PCDHA7: variants seen among roughly 807,000 people sequenced by gnomAD.
The protein encoded by PCDHA7 is protocadherin alpha 7.
A neutral mutation model predicts 57.2 loss-of-function variants in PCDHA7; 37 were observed. The ratio of observed to expected loss-of-function variants is 0.65; its 90% CI spans 0.50 to 0.85. PCDHA7 has a LOEUF of 0.85. Among genes scored for constraint, PCDHA7 ranks in the 40% least tolerant of loss-of-function variants. The pLI, the probability that PCDHA7 is intolerant of heterozygous loss-of-function variation, is 0.00. For synonymous variants in PCDHA7, 553 were observed against 558.8 expected, an observed-to-expected ratio of 0.99 and a Z score of 0.15; for missense variants, 1,188 against 1,241.8, an observed-to-expected ratio of 0.96 and a Z score of 0.65.
chr5:140,888,941 TAA>T (rs1361014830), intron 1 of PCDHA7, among the ~76,000 whole-genome samples: 2 of 152,086 alleles, frequency 1.3e-5, no homozygotes, highest in Non-Finnish European at 1.5e-5. Flanking sequence ...GAGGGAGGTA[TAA>T]ATTTTTTCTT....
At position 140,967,577 on chromosome 5, in the gene PCDHA7, C is replaced by T. The variant is rs141338011; in HGVS notation, c.2356-11372C>T. Reference sequence around the variant, plus strand: ...TCGCGTCCAGCTACGGGAGGACTCACCCCCAGGCACATTGGTGGTGAAGCT... The same window carrying T: ...TCGCGTCCAGCTACGGGAGGACTCATCCCCAGGCACATTGGTGGTGAAGCT... On this transcript the variant is annotated intron_variant, in intron 1 of 3. Transcript: ENST00000525929. 11 of 1,614,016 alleles carry T rather than the reference C, an allele frequency of 6.8e-6. No homozygotes were observed. Among genetic ancestry groups the T allele is most frequent in the African/African-American group, 4.0e-5 (3 of 74,938 alleles).
chr5:140,906,804 C>T (rs1254520665), intron 1 of PCDHA7, among the ~76,000 whole-genome samples: 3 of 152,224 alleles, frequency 2.0e-5, no homozygotes, highest in Non-Finnish European at 4.4e-5. Context: ...CATACTCTTC[C>T]TTACCTCCAC....
rs1554165105 is a variant in PCDHA7 at position 140,871,093 on chromosome 5, G to A, written c.2355+34355G>A. 3 of 1,613,300 alleles carry A rather than the reference G, an allele frequency of 1.9e-6. No individual in the cohort carries two copies. Among genetic ancestry groups the A allele is most frequent in the East Asian group, 4.5e-5 (2 of 44,870 alleles). ...GCCGGCGCTGACGGCCACGGCCACC[G>A]TGCTGGTGTCGTTGGTGGAGAGCGG... On this transcript the variant is annotated intron_variant, in intron 1 of 3. Transcript: ENST00000525929.
At chr5:140,928,652 A>T in intron 1 of PCDHA7, 1 of 1,614,188 alleles carries the variant, frequency 6.2e-7, no homozygotes, top group Non-Finnish European at 8.5e-7. Context: ...GTAGCAGAGG[A>T]TGCTGACAGT....
At chr5:140,965,039 C>G (rs1237802301) in intron 1 of PCDHA7, among the ~76,000 whole-genome samples, 6 of 152,236 alleles carry the variant, frequency 3.9e-5, no homozygotes, top group African/African-American at 1.2e-4. Context: ...ACTGTCCGCT[C>G]TAGGAGGGAA....
chr5:140,909,202 G>A (rs1849054), intron 1 of PCDHA7, among the ~76,000 whole-genome samples: 48,059 of 152,084 alleles, frequency 0.32, 7,957 homozygotes, highest in East Asian at 0.53. Context: ...ACACAAAGCC[G>A]GAGAGTTGAT....
At chr5:140,927,472 G>T (rs201932518) in intron 1 of PCDHA7, 4 of 1,614,094 alleles carry the variant, frequency 2.5e-6, no homozygotes, top group African/African-American at 1.3e-5. Context: ...ACTGGATCGC[G>T]AACAGCGCGC....
chr5:140,929,154 T>C (rs1005551092), intron 1 of PCDHA7: 3 of 1,614,180 alleles, frequency 1.9e-6, no homozygotes, highest in Non-Finnish European at 1.7e-6. Context: ...CTCAGACTTA[T>C]CTCTATCGGG....
intron 1 of PCDHA7, among the ~76,000 whole-genome samples, chr5:140,917,805 T>C (rs2153545461): frequency 6.6e-6 from 1 of 152,328 alleles, no homozygotes; most frequent in African/African-American, 2.4e-5. Flanking sequence ...AGCCTTGCAG[T>C]ATAGTTGAAG....
chr5:141,009,770 A>T lies in PCDHA7; in HGVS notation c.2647A>T (p.Ile883Phe). The part of the protein sequence containing the change: ...DKFIIPGSPA[I>F]ISIRQEPTNS... The stretch of plus-strand genomic sequence containing the variant: ...ATTCATTATCCCAGGATCTCCTGCA[A>T]TCATCTCCATCCGGCAGGAGCCTAC... The change falls in exon 4 of 4, where the codon ATC becomes TTC. Residue 883 changes from isoleucine to phenylalanine, a missense_variant. Transcript: ENST00000525929. 6.2e-7 allele frequency: 1 copy of T among 1,614,160 alleles called. No homozygotes were observed. The highest frequency in any genetic ancestry group is 8.5e-7 in the Non-Finnish European group (1 of 1,180,028).
intron 1 of PCDHA7, chr5:140,869,696 A>T: frequency 6.2e-7 from 1 of 1,613,472 alleles, no homozygotes; most frequent in Non-Finnish European, 8.5e-7. Context: ...ATTTTAAAGA[A>T]GTCTCTGGAT....
chr5:140,926,936 G>A, intron 1 of PCDHA7: 1 of 1,580,648 alleles, frequency 6.3e-7, no homozygotes, highest in Non-Finnish European at 8.6e-7. Context: ...TGGGTTTCCT[G>A]CGGCGCTGCA....
At chr5:140,852,249 T>C (rs2042280411) in intron 1 of PCDHA7, 1 of 535,278 alleles carries the variant, frequency 1.9e-6, no homozygotes, top group Non-Finnish European at 2.5e-6. Flanking sequence ...AAACACACTT[T>C]TGGAATATGC....
chr5:140,975,903 C>A (rs1189531342), intron 1 of PCDHA7, among the ~76,000 whole-genome samples: 1 of 152,090 alleles, frequency 6.6e-6, no homozygotes, highest in Admixed American at 6.6e-5. Context: ...AGTTTTGTGA[C>A]CATTATTCTA....
chr5:140,979,125 C>T (rs782380399), intron 2 of PCDHA7, 118 bp downstream of exon 2: 4 of 1,479,726 alleles, frequency 2.7e-6, no homozygotes, highest in African/African-American at 2.8e-5. Context: ...GGTACTTTGC[C>T]AGGAAAATGC....
chr5:140,925,371 A>G (rs1266840293), intron 1 of PCDHA7, among the ~76,000 whole-genome samples: 2 of 152,136 alleles, frequency 1.3e-5, no homozygotes, highest in Non-Finnish European at 2.9e-5. Context: ...CATAGTCAAT[A>G]GTCAATGAGT....
At chr5:140,941,214 C>CTTTCTTTCTTTCTTTTT (rs1554214039) in intron 1 of PCDHA7, among the ~76,000 whole-genome samples, 1 of 122,414 alleles carries the variant, frequency 8.2e-6, no homozygotes, top group East Asian at 2.3e-4. Context: ...TTTCTTTCTT[C>CTTTCTTTCTTTCTTTTT]CTTTCTTTCT....
chr5:140,899,846 C>T (rs1554188760), intron 1 of PCDHA7, among the ~76,000 whole-genome samples: 1 of 152,142 alleles, frequency 6.6e-6, no homozygotes, highest in African/African-American at 2.4e-5. Flanking sequence ...CTTGCTGTGT[C>T]ACCCAGGCTG....
chr5:140,856,715 G>C, intron 1 of PCDHA7: 2 of 1,596,442 alleles, frequency 1.3e-6, no homozygotes, highest in African/African-American at 1.3e-5. Flanking sequence ...TGAATTTACC[G>C]GATCTGTTTC....
Sources: gnomAD v4.1 joint callset for allele counts (sites outside exome capture counted in the v4.1 genomes callset) on GRCh38, gnomAD v4.1.1 for gene constraint, MANE v1.5 for transcripts, NCBI Gene and HGNC (gene_info 2026-07-23, HGNC 2026-07-21) for gene names.